Variants in FRMPD4 observed in about 807,000 individuals in gnomAD.
FRMPD4 encodes the protein FERM and PDZ domain-containing protein 4.
A neutral mutation model predicts 94.1 loss-of-function variants in FRMPD4; 22 were observed. That is an observed-to-expected ratio of 0.23 (90% CI 0.17 to 0.33). FRMPD4 has a LOEUF of 0.33. Among genes scored for constraint, FRMPD4 ranks in the 10% least tolerant of loss-of-function variants. The probability of loss-of-function intolerance (pLI) is 1.00; values close to 1 mark genes in which losing one functional copy is unlikely to be tolerated. For missense variants in FRMPD4, 1,111 were observed against 1,339.9 expected (o/e 0.83, Z 2.67); for synonymous variants, 631 against 548.6 (o/e 1.15, Z -2.10).
At chrX:12,445,862 G>T (rs572475668) in intron 1 of FRMPD4, among the ~76,000 whole-genome samples, 2 of 113,170 alleles carry the variant, frequency 1.8e-5, no homozygotes, top group South Asian at 7.2e-4. Flanking sequence ...CCATGAGCCA[G>T]TTCAACAATG....
Position 12,231,638 on chromosome X carries a change from C to T in FRMPD4, c.41+92626C>T, listed in dbSNP as rs146338741. On this transcript the variant is annotated intron_variant, in intron 1 of 16. Coordinates refer to ENST00000675598, the MANE Select transcript of FRMPD4 (RefSeq NM_001368397.1). The stretch of plus-strand genomic sequence containing the variant: ...AAAATACAGATTTCCTGGCCCTACC[C>T]AGATTTGCTGGATAAGAACTTTCTG... 6.4e-3 allele frequency among the ~76,000 whole-genome samples: 709 copies of T among 111,569 alleles called. 8 individuals carry two copies. The highest frequency in any genetic ancestry group is 0.022 in the African/African-American group (667 of 30,654).
intron 1 of FRMPD4, among the ~76,000 whole-genome samples, chrX:12,205,367 T>C (rs936138434): frequency 8.9e-6 from 1 of 111,853 alleles, no homozygotes; most frequent in African/African-American, 3.2e-5. Context: ...ACTAAAAAAT[T>C]TTGAAATATG....
At chrX:12,553,466 A>ATC (rs59865950) in intron 2 of FRMPD4, among the ~76,000 whole-genome samples, 1,096 of 76,442 alleles carry the variant, frequency 0.014, 4 homozygotes, top group Middle Eastern at 0.028. Flanking sequence ...ATATATATAT[A>ATC]TCTAATCCAC....
chrX:11,941,661 A>C (rs1198592687), intron 3 of FRMPD4, among the ~76,000 whole-genome samples: 1 of 112,512 alleles, frequency 8.9e-6, no homozygotes, highest in East Asian at 2.8e-4. Flanking sequence ...CCAGTGTTCA[A>C]AGTTTGAAGA....
chrX:12,253,009 G>A (rs776758892), intron 1 of FRMPD4, among the ~76,000 whole-genome samples: 2 of 112,206 alleles, frequency 1.8e-5, no homozygotes, highest in African/African-American at 3.2e-5. Context: ...AACATCCAGA[G>A]GACAGAACAG....
chrX:12,496,339 G>A (rs986938144), intron 1 of FRMPD4, among the ~76,000 whole-genome samples: 2 of 112,124 alleles, frequency 1.8e-5, no homozygotes, highest in Non-Finnish European at 1.9e-5. Context: ...TGAATTACTT[G>A]TTTCAATGCA....
chrX:12,331,300 G>A (rs2055369754), intron 1 of FRMPD4, among the ~76,000 whole-genome samples: 1 of 105,426 alleles, frequency 9.5e-6, no homozygotes, highest in African/African-American at 3.5e-5. Context: ...AGACATTAAG[G>A]TTAATCCTCA....
At position 12,326,841 on chromosome X, in the gene FRMPD4, T is replaced by C. The variant is rs185704676; in HGVS notation, c.42-171839T>C. ...TTAGCCAGGCTTGGTGGTGTGCGCC[T>C]GTAGTAGCTACTCAGGAGGCTGAGG... On this transcript the variant is annotated intron_variant, in intron 1 of 16. Transcript: ENST00000675598. Among the ~76,000 whole-genome samples, 31 of 110,681 alleles carry C rather than the reference T, an allele frequency of 2.8e-4. No homozygotes were observed. The Admixed American group carries it at 3.0e-3, about 11-fold the overall frequency.
chrX:11,930,000 C>T (rs768530407), intron 3 of FRMPD4, among the ~76,000 whole-genome samples: 77 of 101,438 alleles, frequency 7.6e-4, no homozygotes, highest in African/African-American at 2.2e-3. Flanking sequence ...CCCAGCTACT[C>T]GGGAGGCTGA....
intron 1 of FRMPD4, among the ~76,000 whole-genome samples, chrX:11,862,960 G>GTT (rs772255596): frequency 0.35 from 16,787 of 47,465 alleles, 4,437 homozygotes; most frequent in Non-Finnish European, 0.47. Flanking sequence ...AGGGAACTTG[G>GTT]TTTTTTTTTT....
intron 1 of FRMPD4, among the ~76,000 whole-genome samples, chrX:12,279,330 T>C (rs915150551): frequency 8.9e-6 from 1 of 112,086 alleles, no homozygotes; most frequent in African/African-American, 3.2e-5. Flanking sequence ...AACTCTCTTC[T>C]CTATCATCAC....
At chrX:11,882,096 G>C (rs1020022005) in intron 3 of FRMPD4, among the ~76,000 whole-genome samples, 6 of 111,895 alleles carry the variant, frequency 5.4e-5, no homozygotes, top group African/African-American at 1.9e-4. Flanking sequence ...AAAAAAGTTT[G>C]AAAAGAGTCT....
chrX:12,082,362 C>G (rs754703111), intron 3 of FRMPD4, among the ~76,000 whole-genome samples: 3 of 112,015 alleles, frequency 2.7e-5, no homozygotes, highest in South Asian at 7.6e-4. Flanking sequence ...GCTTCTTCCT[C>G]ATTTTTCTCT....
At chrX:11,859,159 A>G (rs2053670612) in intron 1 of FRMPD4, among the ~76,000 whole-genome samples, 1 of 111,885 alleles carries the variant, frequency 8.9e-6, no homozygotes, top group Non-Finnish European at 1.9e-5. Flanking sequence ...ACTATTTGAC[A>G]TTTATTTAAT....
chrX:12,617,668 G>A (rs111351717), intron 4 of FRMPD4, among the ~76,000 whole-genome samples: 138 of 111,585 alleles, frequency 1.2e-3, no homozygotes, highest in African/African-American at 4.3e-3. Context: ...AAAACATCCC[G>A]TTTTCTTAGC....
At chrX:12,705,594 T>C (rs2041860699) in intron 11 of FRMPD4, among the ~76,000 whole-genome samples, 1 of 111,314 alleles carries the variant, frequency 9.0e-6, no homozygotes, top group Admixed American at 9.6e-5. Context: ...CACTTCCCAA[T>C]TTCATGGGAA....
rs373723984 is a variant in FRMPD4, at chrX:12,244,096, TTTTTGTTTTGTTTTG to T, written c.41+105104_41+105118del. 5.7e-4 allele frequency among the ~76,000 whole-genome samples: 63 copies of T among 110,022 alleles called. 1 individual carries two copies. Among genetic ancestry groups the T allele is most frequent in the Middle Eastern group, 9.3e-3 (2 of 216 alleles). On this transcript the variant is annotated intron_variant, in intron 1 of 16. Transcript: ENST00000675598. ...CAAGTGTGAGCCACTGCACCTGGCG[TTTTTGTTTTGTTTTG>T]TTTTGTTTTGTTTTGTTTTTTATTT...
intron 1 of FRMPD4, chrX:12,341,483 G>T: frequency 5.9e-6 from 1 of 169,141 alleles, no homozygotes; most frequent in Non-Finnish European, 1.2e-5. Flanking sequence ...TATTGTTATT[G>T]TTGCCATTGT....
intron 2 of FRMPD4, among the ~76,000 whole-genome samples, chrX:11,873,258 A>C (rs1285777089): frequency 9.0e-6 from 1 of 111,256 alleles, no homozygotes; most frequent in Non-Finnish European, 1.9e-5. Context: ...AGCAAGAAAA[A>C]AAAAACAGAT....
Sources: allele counts gnomAD v4.1 joint callset (sites outside exome capture counted in the v4.1 genomes callset), GRCh38; gene constraint gnomAD v4.1.1; transcripts MANE v1.5; gene names NCBI Gene and HGNC (gene_info 2026-07-23, HGNC 2026-07-21).